Variants in WARS2 observed in about 807,000 individuals in gnomAD.
WARS2 encodes the protein tryptophanyl tRNA synthetase 2, mitochondrial.
In WARS2, 28 loss-of-function variants were observed where a neutral mutation model predicts 36.5. The ratio of observed to expected loss-of-function variants is 0.77; its 90% CI spans 0.57 to 1.05. WARS2 has a LOEUF of 1.05. WARS2 is among the 50% of genes least tolerant of loss of function. The pLI is 0.00. For synonymous variants in WARS2, 174 were observed against 178.4 expected (o/e 0.98, Z 0.20); for missense variants, 435 against 456.8 (o/e 0.95, Z 0.44).
At chr1:119,061,778 A>T (rs1650402169) in intron 2 of WARS2, among the ~76,000 whole-genome samples, 2 of 152,098 alleles carry the variant, frequency 1.3e-5, no homozygotes, top group South Asian at 4.2e-4. Flanking sequence ...AAGCAGGTTA[A>T]CAAAACATTT....
At chr1:119,068,062 T>G (rs1373998944) in intron 2 of WARS2, among the ~76,000 whole-genome samples, 1 of 152,190 alleles carries the variant, frequency 6.6e-6, no homozygotes, top group Non-Finnish European at 1.5e-5. Context: ...GCCATTTAGA[T>G]TCTTATCTCC....
chr1:119,083,634 G>A (rs935675796), intron 1 of WARS2, among the ~76,000 whole-genome samples: 2 of 152,042 alleles, frequency 1.3e-5, no homozygotes, highest in African/African-American at 4.8e-5. Flanking sequence ...ATAAAATATA[G>A]AGTCATGACA....
chr1:119,037,142 T>C (rs921562445), intron 4 of WARS2, among the ~76,000 whole-genome samples: 1 of 152,176 alleles, frequency 6.6e-6, no homozygotes, highest in Non-Finnish European at 1.5e-5. Flanking sequence ...TTTTTTTCTG[T>C]TTTCCTTTTT....
chr1:119,128,215 T>A (rs1460151681), intron 1 of WARS2, among the ~76,000 whole-genome samples: 1 of 152,062 alleles, frequency 6.6e-6, no homozygotes, highest in Non-Finnish European at 1.5e-5. Flanking sequence ...GCTGGGATTA[T>A]AGGCCCCCAC....
intron 4 of WARS2, among the ~76,000 whole-genome samples, chr1:119,039,639 AG>A: frequency 6.6e-6 from 1 of 152,286 alleles, no homozygotes; most frequent in African/African-American, 2.4e-5. Context: ...CTCAAGCTGA[AG>A]ATGGTCTCAG....
Position 119,115,720 on chromosome 1 carries a change from G to A in WARS2, c.90+24835C>T, listed in dbSNP as rs114762209. ...CTCTCTTCAAAACTAAACCATGAAT[G>A]TGGTAATCTGGTTCAAATCGATCTT... On this transcript the variant is annotated intron_variant, in intron 1 of 5. Coordinates refer to ENST00000235521, the MANE Select transcript of WARS2 (RefSeq NM_015836.4). 2.8e-3 allele frequency among the ~76,000 whole-genome samples: 423 copies of A among 152,316 alleles called. 5 individuals carry two copies. Among genetic ancestry groups the A allele is most frequent in the Middle Eastern group, 3.4e-3 (1 of 294 alleles).
rs546868115 is a variant in WARS2 at position 119,060,653 on chromosome 1, T to C, written c.349-14991A>G. ...ACGGCCTGAAGGCATTGGAGAACAA[T>C]CGAAAGCAGGCAGAAACTAGGGGTG... is the stretch of plus-strand genomic sequence containing the variant. On this transcript the variant is annotated intron_variant, in intron 2 of 5. Coordinates refer to ENST00000235521, the MANE Select transcript of WARS2 (RefSeq NM_015836.4). 7.2e-5 allele frequency among the ~76,000 whole-genome samples: 11 copies of C among 152,238 alleles called. No individual in the cohort carries two copies. The East Asian group carries it at 1.9e-3, about 27-fold the overall frequency.
intron 1 of WARS2, chr1:119,085,704 T>C (rs1332120268): frequency 5.7e-5 from 85 of 1,490,920 alleles, no homozygotes; most frequent in Non-Finnish European, 5.5e-5. Context: ...CTGGTCTTCA[T>C]AGCAGAGGAA....
chr1:119,058,466 A>G (rs1181110310), intron 2 of WARS2, among the ~76,000 whole-genome samples: 6 of 87,080 alleles, frequency 6.9e-5, no homozygotes, highest in African/African-American at 2.8e-4. Flanking sequence ...CCCTCCCCCA[A>G]CCCCACCACA....
intron 1 of WARS2, chr1:119,126,870 TA>T: frequency 1.2e-6 from 1 of 812,218 alleles, no homozygotes; most frequent in Non-Finnish European, 2.1e-6. Context: ...GTGCTGAGCA[TA>T]AGAGGTCTTC....
chr1:119,101,280 C>T (rs1571358486), intron 1 of WARS2, among the ~76,000 whole-genome samples: 1 of 151,550 alleles, frequency 6.6e-6, no homozygotes, highest in African/African-American at 2.4e-5. Flanking sequence ...ATACATGTAA[C>T]AAAACTTCAC....
intron 2 of WARS2, among the ~76,000 whole-genome samples, chr1:119,051,647 C>T (rs1649363774): frequency 6.6e-6 from 1 of 152,094 alleles, no homozygotes; most frequent in Admixed American, 6.6e-5. Flanking sequence ...CTAATTTATA[C>T]TCCCGTCAAC....
At chr1:119,085,937 CTTAG>C (rs770865719) in intron 1 of WARS2, 264 of 1,610,390 alleles carry the variant, frequency 1.6e-4, no homozygotes, top group Non-Finnish European at 1.5e-4. Context: ...TCAGCTTCAC[CTTAG>C]TTAAAGGGTT....
At chr1:119,113,782 C>T (rs1654797201) in intron 1 of WARS2, among the ~76,000 whole-genome samples, 1 of 152,108 alleles carries the variant, frequency 6.6e-6, no homozygotes, top group South Asian at 2.1e-4. Flanking sequence ...ATTTCTTCAA[C>T]TATAATAAGA....
chr1:119,082,986 T>C (rs1051503441), intron 1 of WARS2, among the ~76,000 whole-genome samples: 4 of 152,178 alleles, frequency 2.6e-5, no homozygotes. Context: ...CCCAGCACTT[T>C]GGGAGGCCAA....
intron 2 of WARS2, among the ~76,000 whole-genome samples, chr1:119,050,852 G>C (rs1231487490): frequency 6.6e-6 from 1 of 152,136 alleles, no homozygotes; most frequent in Non-Finnish European, 1.5e-5. Context: ...CCTGGGAATA[G>C]AGGAAAGAGA....
At chr1:119,133,393 CAT>C (rs1405667137) in intron 1 of WARS2, among the ~76,000 whole-genome samples, 4 of 152,220 alleles carry the variant, frequency 2.6e-5, no homozygotes, top group South Asian at 2.1e-4. Context: ...AGCAAATTAA[CAT>C]GTGTACTTTG....
rs1652539605 is a variant in WARS2 at position 119,085,239 on chromosome 1, T to C, written c.91-8632A>G. ...GTGCTCGTGCTTGGGTTTCCCCTTC[T>C]TCAGCTCCCTCTCTCGGTTCTCTGC... On this transcript the variant is annotated intron_variant, in intron 1 of 5. Transcript: ENST00000235521. The C allele has an allele frequency of 5.8e-6, 5 of 865,012 alleles. No homozygotes were observed. The East Asian group carries it at 9.8e-5, about 17-fold the overall frequency. 53.6% of individuals were successfully genotyped at this position (865,012 alleles called of 1,614,324 possible). A position where few individuals can be genotyped will look rare whatever the true frequency, so the allele number is the denominator to read the frequency against.
At chr1:119,132,766 A>G (rs1656208723) in intron 1 of WARS2, among the ~76,000 whole-genome samples, 2 of 152,180 alleles carry the variant, frequency 1.3e-5, no homozygotes, top group African/African-American at 4.8e-5. Flanking sequence ...AATTCTGTTC[A>G]ATATTGCTAA....
Sources: allele counts gnomAD v4.1 joint callset (sites outside exome capture counted in the v4.1 genomes callset), GRCh38; gene constraint gnomAD v4.1.1; transcripts MANE v1.5; gene names NCBI Gene and HGNC (gene_info 2026-07-23, HGNC 2026-07-21).